KRT86: variants seen among roughly 807,000 people sequenced by gnomAD.
The protein encoded by KRT86 is keratin 86, also known as keratin, type II cuticular Hb6.
Under a neutral mutation model 41.2 loss-of-function variants are expected in KRT86, and 30 were observed. The observed-to-expected ratio is 0.73, with a 90% CI of 0.54 to 0.99. KRT86 has a LOEUF of 0.99. KRT86 is among the 50% of genes least tolerant of loss of function. The pLI, the probability that KRT86 is intolerant of heterozygous loss-of-function variation, is 0.00. For synonymous variants in KRT86, 238 were observed against 238.1 expected, an observed-to-expected ratio of 1.00 and a Z score of 0.00; for missense variants, 561 against 571.4, an observed-to-expected ratio of 0.98 and a Z score of 0.19.
At chr12:52,301,202 G>GC (rs1348577836) in intron 2 of KRT86, among the ~76,000 whole-genome samples, 75 of 151,908 alleles carry the variant, frequency 4.9e-4, no homozygotes, top group African/African-American at 1.7e-3. Context: ...GCATGTGAGT[G>GC]CATTGTGTGT....
chr12:52,287,048 G>T, intron 2 of KRT86: 1 of 1,612,234 alleles, frequency 6.2e-7, no homozygotes. Flanking sequence ...CCAAGGGTAG[G>T]CTTGTGCCAG....
intron 2 of KRT86, chr12:52,291,599 ATGT>A: frequency 7.2e-7 from 1 of 1,395,950 alleles, no homozygotes. Context: ...TGTGAAGATG[ATGT>A]TGGGGCAATT....
Position 52,308,524 on chromosome 12 carries a change from C to T in KRT86, c.1400C>T (p.Thr467Ile). Residue 467 changes from threonine to isoleucine, a missense_variant, in exon 11 of 11, where the codon ACT becomes ATT. By Grantham distance (89) the Thr-to-Ile change is moderately conservative. This residue lies in a region of KRT86 where 397 missense variants were observed against 375.9 expected (regional missense o/e 1.06). Coordinates refer to ENST00000423955, the MANE Select transcript of KRT86 (RefSeq NM_001320198.2). ...PSNSNVVVGT[T>I]NACAPSARVG... ...AACAGCAACGTGGTGGTGGGCACTA[C>T]TAACGCCTGCGCCCCCTCCGCCCGG... 6.2e-7 allele frequency: 1 copy of T among 1,604,168 alleles called. No individual in the cohort carries two copies. The highest frequency in any genetic ancestry group is 8.5e-7 in the Non-Finnish European group (1 of 1,179,858).
chr12:52,306,353 C>A, intron 9 of KRT86, 73 bp downstream of exon 9: 2 of 1,608,164 alleles, frequency 1.2e-6, no homozygotes, highest in East Asian at 2.2e-5. Flanking sequence ...ACACTCCTGG[C>A]AGCATTTAAG....
chr12:52,304,567 G>C (rs532791119), intron 5 of KRT86, among the ~76,000 whole-genome samples: 1 of 151,952 alleles, frequency 6.6e-6, no homozygotes. Flanking sequence ...AGGGGGGATG[G>C]AGAAGAACCA....
intron 2 of KRT86, chr12:52,286,006 G>A (rs1361113845): frequency 7.2e-6 from 4 of 555,062 alleles, no homozygotes; most frequent in Non-Finnish European, 1.3e-5. Flanking sequence ...TCTGGTCCTG[G>A]CCCTTCCTGC....
chr12:52,306,329 T>G (rs769816651), intron 9 of KRT86, 49 bp downstream of exon 9: 2 of 1,612,440 alleles, frequency 1.2e-6, no homozygotes, highest in Non-Finnish European at 8.5e-7. Flanking sequence ...GGGTTCTCAG[T>G]GTGCTCTGTC....
chr12:52,297,283 T>G (rs1938272796), intron 2 of KRT86, among the ~76,000 whole-genome samples: 1 of 152,212 alleles, frequency 6.6e-6, no homozygotes, highest in Non-Finnish European at 1.5e-5. Flanking sequence ...GTATGAAAAG[T>G]AGCCCTCTTT....
chr12:52,294,443 G>C (rs973311600), intron 2 of KRT86, among the ~76,000 whole-genome samples: 11 of 150,526 alleles, frequency 7.3e-5, no homozygotes, highest in African/African-American at 2.4e-4. Flanking sequence ...CATTCAACTT[G>C]TTTTCTTCAG....
chr12:52,306,946 A>T (rs1245465273), intron 9 of KRT86: 2 of 157,042 alleles, frequency 1.3e-5, no homozygotes, highest in African/African-American at 4.8e-5. Flanking sequence ...GGGCAGCTAT[A>T]CAGCTCCTGC....
At chr12:52,284,168 GGCT>G (rs761653716) in intron 2 of KRT86, among the ~76,000 whole-genome samples, 2 of 152,044 alleles carry the variant, frequency 1.3e-5, no homozygotes, top group Non-Finnish European at 2.9e-5. Context: ...TCCTGACAGG[GGCT>G]GCTGCTGCTG....
intron 2 of KRT86, chr12:52,290,976 G>A: frequency 1.8e-5 from 7 of 390,228 alleles, no homozygotes; most frequent in African/African-American, 8.4e-5. Context: ...TGTGTGCCTC[G>A]CCCATCAGAC....
At chr12:52,282,531 C>A (rs550289597) in intron 2 of KRT86, among the ~76,000 whole-genome samples, 3 of 152,350 alleles carry the variant, frequency 2.0e-5, no homozygotes, top group African/African-American at 7.2e-5. Flanking sequence ...CCACCGCGCC[C>A]GGCCAAGTTT....
chr12:52,285,924 A>G, intron 2 of KRT86: 1 of 393,264 alleles, frequency 2.5e-6, no homozygotes, highest in Non-Finnish European at 4.8e-6. Flanking sequence ...TGGCTACATT[A>G]ATTTATTGAA....
chr12:52,288,250 C>T, intron 2 of KRT86: 1 of 1,598,992 alleles, frequency 6.3e-7, no homozygotes, highest in Admixed American at 1.7e-5. Context: ...ACCCTGCCCC[C>T]TCACACAGCC....
chr12:52,287,054 G>A lies in KRT86; in HGVS notation c.-5+11108G>A. On this transcript the variant is annotated intron_variant, in intron 2 of 10. Coordinates refer to ENST00000423955, the MANE Select transcript of KRT86 (RefSeq NM_001320198.2). ...CAGCCAAGGCCAAGGGTAGGCTTGT[G>A]CCAGGGATGGGGAAGGGTGGTTCTG... The A allele has an allele frequency of 1.9e-6, 3 of 1,612,392 alleles. No individual in the cohort carries two copies. In the African/African-American group the frequency reaches 4.0e-5, roughly 21 times the overall value.
At chr12:52,286,746 A>G (rs1347058849) in intron 2 of KRT86, 1 of 1,594,202 alleles carries the variant, frequency 6.3e-7, no homozygotes. Flanking sequence ...GCCCTCCATC[A>G]CAGGTAGTTA....
chr12:52,274,749 G>A, intron 1 of KRT86, 27 bp downstream of exon 1: 1 of 984,520 alleles, frequency 1.0e-6, no homozygotes. Context: ...TGGCTCCCTG[G>A]TCACACAGGG....
Position 52,287,779 on chromosome 12 carries a change from C to T in KRT86, c.-5+11833C>T, listed in dbSNP as rs1476040551. ...GGTGGGACCTCCCATCCATTCAGGA[C>T]ACCACAGATGATTTTGCAGGTTGTA... On this transcript the variant is annotated intron_variant, in intron 2 of 10. Coordinates refer to ENST00000423955, the MANE Select transcript of KRT86 (RefSeq NM_001320198.2). 4 of 1,613,950 alleles carry T rather than the reference C, an allele frequency of 2.5e-6. No individual in the cohort carries two copies. The East Asian group carries it at 8.9e-5, about 36-fold the overall frequency.
Sources: allele counts gnomAD v4.1 joint callset (sites outside exome capture counted in the v4.1 genomes callset), GRCh38; gene constraint gnomAD v4.1.1; regional missense constraint gnomAD v4.1.1; transcripts MANE v1.5; gene names NCBI Gene and HGNC (gene_info 2026-07-23, HGNC 2026-07-21).